GLIS3: variants seen among roughly 807,000 people sequenced by gnomAD.
The protein encoded by GLIS3 is GLIS family zinc finger 3, also known as zinc finger protein GLIS3.
In GLIS3, 53 loss-of-function variants were observed where a neutral mutation model predicts 78.6. That is an observed-to-expected ratio of 0.67 (90% CI 0.54 to 0.85). The LOEUF is 0.85. Ranked by LOEUF, GLIS3 falls within the 40% of genes least tolerant of loss-of-function variation. The pLI, the probability that GLIS3 is intolerant of heterozygous loss-of-function variation, is 0.00. For missense variants in GLIS3, 1,703 were observed against 1,231.1 expected (o/e 1.38, Z -5.74); for synonymous variants, 684 against 509.9 (o/e 1.34, Z -4.60).
chr9:3,868,283 A>G (rs1820737588), intron 8 of GLIS3, among the ~76,000 whole-genome samples: 1 of 152,234 alleles, frequency 6.6e-6, no homozygotes, highest in African/African-American at 2.4e-5. Context: ...TTTCTCAGAT[A>G]TAATGGAGAC....
At chr9:4,213,259 TCA>T (rs1351712732) in intron 2 of GLIS3, among the ~76,000 whole-genome samples, 1 of 152,184 alleles carries the variant, frequency 6.6e-6, no homozygotes, top group Non-Finnish European at 1.5e-5. Flanking sequence ...CATCTTTGTC[TCA>T]GTTTAGAAGT....
Position 4,192,429 on chromosome 9 carries a change from T to C in GLIS3, c.389-66488A>G, listed in dbSNP as rs536891083. 2.1e-4 allele frequency among the ~76,000 whole-genome samples: 32 copies of C among 152,370 alleles called. No homozygotes were observed. The South Asian group carries it at 6.6e-3, about 32-fold the overall frequency. ...AGCATAGTTTAGTTTATAACATCTT[T>C]ATATGGGAAAACATGTTCCAAGTTC... On this transcript the variant is annotated intron_variant, in intron 2 of 10. Coordinates refer to ENST00000381971, the MANE Select transcript of GLIS3 (RefSeq NM_001042413.2).
chr9:4,082,129 A>G (rs949128723), intron 4 of GLIS3, among the ~76,000 whole-genome samples: 2 of 152,232 alleles, frequency 1.3e-5, no homozygotes, highest in African/African-American at 4.8e-5. Flanking sequence ...TGCTCTGTGC[A>G]TATCACAGTT....
At chr9:4,425,416 A>C in the GLIS3 span, among the ~76,000 whole-genome samples, 5 of 152,224 alleles carry the variant, frequency 3.3e-5, no homozygotes, top group African/African-American at 1.2e-4. Context: ...CATCTCTGGC[A>C]TATCTGCCTT....
At chr9:4,033,148 T>C (rs534663309) in intron 4 of GLIS3, among the ~76,000 whole-genome samples, 5 of 152,252 alleles carry the variant, frequency 3.3e-5, no homozygotes, top group East Asian at 1.9e-4. Flanking sequence ...CCACCACACC[T>C]GGCTGGAATT....
At chr9:4,321,238 G>T (rs1404426398) in intron 2 of GLIS3, among the ~76,000 whole-genome samples, 1 of 140,170 alleles carries the variant, frequency 7.1e-6, no homozygotes, top group Non-Finnish European at 1.5e-5. Flanking sequence ...GGCTAACACG[G>T]TGAAACCCCG....
chr9:4,254,674 T>C (rs1187757423), intron 2 of GLIS3, among the ~76,000 whole-genome samples: 1 of 151,682 alleles, frequency 6.6e-6, no homozygotes, highest in Non-Finnish European at 1.5e-5. Flanking sequence ...ACCCCATCTC[T>C]ACTAAAAATA....
At chr9:3,963,823 T>C (rs967030783) in intron 4 of GLIS3, among the ~76,000 whole-genome samples, 2 of 151,858 alleles carry the variant, frequency 1.3e-5, no homozygotes, top group African/African-American at 2.4e-5. Context: ...AAACTGTAAA[T>C]AAGCCCTTCG....
the GLIS3 span, among the ~76,000 whole-genome samples, chr9:4,358,909 C>G: frequency 6.6e-6 from 1 of 152,190 alleles, no homozygotes; most frequent in Non-Finnish European, 1.5e-5. Context: ...CTCCACTCTC[C>G]CACTCCAAGA....
chr9:4,038,952 G>T (rs1824561542), intron 4 of GLIS3, among the ~76,000 whole-genome samples: 1 of 152,122 alleles, frequency 6.6e-6, no homozygotes, highest in African/African-American at 2.4e-5. Flanking sequence ...GGAACTAACT[G>T]CCCTCCCCAT....
intron 2 of GLIS3, among the ~76,000 whole-genome samples, chr9:4,221,542 C>T (rs570063550): frequency 2.6e-5 from 4 of 151,912 alleles, no homozygotes; most frequent in African/African-American, 9.6e-5. Flanking sequence ...CAAGAGGCTT[C>T]GAAATTTCTC....
intron 4 of GLIS3, among the ~76,000 whole-genome samples, chr9:4,041,796 C>CTAT (rs1303030632): frequency 4.6e-5 from 7 of 152,196 alleles, no homozygotes; most frequent in African/African-American, 1.7e-4. Flanking sequence ...GCTTGAGTCA[C>CTAT]TATTTCCTTA....
chr9:4,138,849 C>A (rs1357833816), intron 2 of GLIS3, among the ~76,000 whole-genome samples: 1 of 152,158 alleles, frequency 6.6e-6, no homozygotes, highest in Non-Finnish European at 1.5e-5. Flanking sequence ...CATATTCTTA[C>A]TAAGATGTTA....
At position 4,257,586 on chromosome 9, in the gene GLIS3, T is replaced by TTGTTGTTGTTTTGTTG. The variant is rs376998444; in HGVS notation, c.388+28451_388+28452insCAACAAAACAACAACA. 4.0e-5 allele frequency among the ~76,000 whole-genome samples: 6 copies of TTGTTGTTGTTTTGTTG among 150,464 alleles called. No individual in the cohort carries two copies. The East Asian group carries it at 1.2e-3, about 30-fold the overall frequency. On this transcript the variant is annotated intron_variant, in intron 2 of 10. Coordinates refer to ENST00000381971, the MANE Select transcript of GLIS3 (RefSeq NM_001042413.2). ...GTATATGTTGTTGTTGTTGTTGTTATTTTTTGAGACGGAGTCTCGCTCTGT... is the reference window on the plus strand; with the variant it reads ...GTATATGTTGTTGTTGTTGTTGTTATTGTTGTTGTTTTGTTGTTTTTGAGACGGAGTCTCGCTCTGT...
In GLIS3 at chr9:3,967,753, T is replaced by C. The variant is rs539529184; in HGVS notation, c.1711-30564A>G. Among the ~76,000 whole-genome samples the C allele has an allele frequency of 2.2e-4, 33 of 152,200 alleles. No homozygotes were observed. The South Asian group carries it at 6.6e-3, about 31-fold the overall frequency. Reference sequence around the variant, plus strand: ...GACAAGTGCAATGTCATGAGAAAGATGGATAATATGATCCCATTTTCTGTA... The same window carrying C: ...GACAAGTGCAATGTCATGAGAAAGACGGATAATATGATCCCATTTTCTGTA... On this transcript the variant is annotated intron_variant, in intron 4 of 10. Coordinates refer to ENST00000381971, the MANE Select transcript of GLIS3 (RefSeq NM_001042413.2).
At chr9:3,868,019 T>C (rs1445350) in intron 8 of GLIS3, among the ~76,000 whole-genome samples, 1 of 141,848 alleles carries the variant, frequency 7.0e-6, no homozygotes, top group Admixed American at 7.0e-5. Context: ...GATGTCAACA[T>C]GCAGGCTGAT....
chr9:3,953,933 A>G (rs1816910545), intron 4 of GLIS3, among the ~76,000 whole-genome samples: 1 of 152,042 alleles, frequency 6.6e-6, no homozygotes, highest in South Asian at 2.1e-4. Flanking sequence ...ACACCAATCA[A>G]CATATCAAAA....
At chr9:4,206,058 G>A (rs995399628) in intron 2 of GLIS3, among the ~76,000 whole-genome samples, 10 of 152,168 alleles carry the variant, frequency 6.6e-5, no homozygotes, top group African/African-American at 2.4e-4. Flanking sequence ...GAGAAGAGTT[G>A]AAGGTATGGA....
chr9:4,298,042 G>A (rs1301877406), intron 1 of GLIS3, among the ~76,000 whole-genome samples: 1 of 152,114 alleles, frequency 6.6e-6, no homozygotes, highest in Non-Finnish European at 1.5e-5. Context: ...GGCCCCGTGC[G>A]CGAGCGAGCG....
Sources: gnomAD v4.1 joint callset for allele counts (sites outside exome capture counted in the v4.1 genomes callset) on GRCh38, gnomAD v4.1.1 for gene constraint, MANE v1.5 for transcripts, NCBI Gene and HGNC (gene_info 2026-07-23, HGNC 2026-07-21) for gene names.